TUBGCP3: variants seen among roughly 807,000 people sequenced by gnomAD.
TUBGCP3 encodes the protein gamma-tubulin complex component 3.
A neutral mutation model predicts 123.1 loss-of-function variants in TUBGCP3; 50 were observed. The ratio of observed to expected loss-of-function variants is 0.41; its 90% CI spans 0.32 to 0.51. The LOEUF (loss-of-function observed/expected upper bound fraction) is 0.51. Ranked by LOEUF, TUBGCP3 falls within the 20% of genes least tolerant of loss-of-function variation. The pLI is 0.36. For missense variants in TUBGCP3, 882 were observed against 1,127.0 expected (o/e 0.78, Z 3.11); for synonymous variants, 405 against 413.9 (o/e 0.98, Z 0.26).
intron 16 of TUBGCP3, among the ~76,000 whole-genome samples, chr13:112,517,378 A>G (rs1408503719): frequency 6.6e-6 from 1 of 152,202 alleles, no homozygotes; most frequent in African/African-American, 2.4e-5. Flanking sequence ...GTTTATGTAC[A>G]TGGCATGACA....
At chr13:112,535,625 G>C (rs1262713744) in intron 11 of TUBGCP3, among the ~76,000 whole-genome samples, 2 of 152,096 alleles carry the variant, frequency 1.3e-5, no homozygotes, top group Non-Finnish European at 1.5e-5. Flanking sequence ...TAAACTGGGT[G>C]ATTTTTCTTG....
intron 17 of TUBGCP3, among the ~76,000 whole-genome samples, chr13:112,510,277 T>G (rs908093088): frequency 6.6e-6 from 1 of 152,218 alleles, no homozygotes; most frequent in Non-Finnish European, 1.5e-5. Flanking sequence ...CCCCCTCACA[T>G]GCGGAGATGC....
At chr13:112,564,894 A>G (rs1358966001) in intron 3 of TUBGCP3, among the ~76,000 whole-genome samples, 1 of 152,258 alleles carries the variant, frequency 6.6e-6, no homozygotes, top group Non-Finnish European at 1.5e-5. Context: ...TTCCCTGTGC[A>G]GCTTCATTCA....
At chr13:112,602,571 T>C in the TUBGCP3 span, among the ~76,000 whole-genome samples, 1 of 152,212 alleles carries the variant, frequency 6.6e-6, no homozygotes, top group Non-Finnish European at 1.5e-5. Flanking sequence ...ATATATGTTA[T>C]AAATTACCCT....
intron 20 of TUBGCP3, among the ~76,000 whole-genome samples, chr13:112,493,054 G>A (rs1490672090): frequency 1.3e-5 from 2 of 149,654 alleles, no homozygotes; most frequent in South Asian, 2.1e-4. Context: ...CTAGCTTTGG[G>A]AACAGGGCCT....
chr13:112,489,550 GT>G, intron 21 of TUBGCP3, 30 bp downstream of exon 21: 1 of 1,464,338 alleles, frequency 6.8e-7, no homozygotes, highest in African/African-American at 1.4e-5. Context: ...GCAGAGTGGT[GT>G]GAAGAGCCAC....
At chr13:112,531,382 C>T (rs975685122) in intron 11 of TUBGCP3, among the ~76,000 whole-genome samples, 6 of 152,192 alleles carry the variant, frequency 3.9e-5, no homozygotes, top group Non-Finnish European at 7.3e-5. Context: ...ATCACGGAGG[C>T]GTCATCGACT....
At chr13:112,547,106 GAGGCCAA>G in intron 10 of TUBGCP3, 1 of 243,886 alleles carries the variant, frequency 4.1e-6, no homozygotes, top group Non-Finnish European at 7.8e-6. Context: ...TAGAGCCAGA[GAGGCCAA>G]AGCAAGACAT....
chr13:112,498,941 C>CT (rs1477469088), intron 20 of TUBGCP3, 104 bp downstream of exon 20: 1 of 1,614,132 alleles, frequency 6.2e-7, no homozygotes, highest in Non-Finnish European at 8.5e-7. Context: ...CTCAACCTGT[C>CT]TGACAATTTT....
At chr13:112,538,684 T>C (rs1232381609) in intron 11 of TUBGCP3, among the ~76,000 whole-genome samples, 1 of 152,152 alleles carries the variant, frequency 6.6e-6, no homozygotes, top group Non-Finnish European at 1.5e-5. Context: ...ACTTTTATTA[T>C]AAAAAGAAGC....
intron 20 of TUBGCP3, among the ~76,000 whole-genome samples, chr13:112,497,734 G>A (rs975402306): frequency 6.6e-6 from 1 of 152,158 alleles, no homozygotes; most frequent in South Asian, 2.1e-4. Context: ...TCTGGGCAGC[G>A]TGTGACTGTA....
At chr13:112,567,246 T>C (rs1881020365) in intron 2 of TUBGCP3, among the ~76,000 whole-genome samples, 1 of 152,232 alleles carries the variant, frequency 6.6e-6, no homozygotes, top group South Asian at 2.1e-4. Flanking sequence ...TGCTGCAGTT[T>C]TCTTCTTTAA....
chr13:112,527,162 A>T, intron 12 of TUBGCP3, 112 bp from the exon 13 acceptor site: 2 of 955,054 alleles, frequency 2.1e-6, no homozygotes, highest in Non-Finnish European at 3.2e-6. Flanking sequence ...TAACAAGAGC[A>T]TCTGCTACAG....
At chr13:112,498,886 A>G (rs1260124699) in intron 20 of TUBGCP3, 159 bp downstream of exon 20, 4 of 1,613,036 alleles carry the variant, frequency 2.5e-6, no homozygotes, top group Non-Finnish European at 3.4e-6. Flanking sequence ...CCCTCTTTAC[A>G]ACTGTCAGTG....
At position 112,559,373 on chromosome 13, in the gene TUBGCP3, T is replaced by A; in HGVS notation, c.279A>T (p.Ile93=). Residue 93 remains isoleucine (I), a synonymous_variant, in exon 4 of 22, where the codon ATA becomes ATT. Transcript: ENST00000261965. ...CACTGAGGCTCAGCAAGAGGTAGAG[T>A]ATTGACCATTTATTTTTCAAAACTC... ...SQGVLKNKWS[I]LYLLLSLSED... 1.2e-6 allele frequency: 2 copies of A among 1,604,436 alleles called. No homozygotes were observed. The highest frequency in any genetic ancestry group is 1.7e-6 in the Non-Finnish European group (2 of 1,173,986).
intron 1 of TUBGCP3, among the ~76,000 whole-genome samples, chr13:112,573,350 A>C (rs1881560838): frequency 6.6e-6 from 1 of 152,116 alleles, no homozygotes; most frequent in Non-Finnish European, 1.5e-5. Flanking sequence ...AAAAAGGCAA[A>C]AAGATGGAAA....
At chr13:112,578,769 G>A (rs369196251) in intron 1 of TUBGCP3, among the ~76,000 whole-genome samples, 20 of 151,948 alleles carry the variant, frequency 1.3e-4, no homozygotes, top group Non-Finnish European at 1.9e-4. Flanking sequence ...CATACTTAGC[G>A]ATGGCCCCCT....
chr13:112,496,314 T>C (rs922313289), intron 20 of TUBGCP3, among the ~76,000 whole-genome samples: 3 of 151,810 alleles, frequency 2.0e-5, no homozygotes, highest in Admixed American at 1.3e-4. Flanking sequence ...CCCTTTGGAG[T>C]CCCCCACACA....
At chr13:112,567,930 T>A (rs1022835633) in intron 2 of TUBGCP3, among the ~76,000 whole-genome samples, 1 of 151,216 alleles carries the variant, frequency 6.6e-6, no homozygotes, top group Admixed American at 6.6e-5. Flanking sequence ...GTGTTATTAC[T>A]GAGACCCACA....
Sources: allele counts gnomAD v4.1 joint callset (sites outside exome capture counted in the v4.1 genomes callset), GRCh38; gene constraint gnomAD v4.1.1; transcripts MANE v1.5; gene names NCBI Gene and HGNC (gene_info 2026-07-23, HGNC 2026-07-21).